Variants in SCN7A observed in about 807,000 individuals in gnomAD.
SCN7A encodes sodium channel protein type 7 subunit alpha.
SCN7A carries 138 observed loss-of-function variants against 155.2 expected under a neutral mutation model. That is an observed-to-expected ratio of 0.89 (90% CI 0.77 to 1.02). The LOEUF is 1.02. SCN7A is among the 50% of genes least tolerant of loss of function. The probability of loss-of-function intolerance (pLI) is 0.00; values close to 1 mark genes in which losing one functional copy is unlikely to be tolerated. For synonymous variants in SCN7A, 693 were observed against 649.0 expected, an observed-to-expected ratio of 1.07 and a Z score of -1.03; for missense variants, 2,058 against 1,986.6, an observed-to-expected ratio of 1.04 and a Z score of -0.68.
At chr2:166,426,788 C>T (rs905063075) in intron 18 of SCN7A, among the ~76,000 whole-genome samples, 3 of 152,000 alleles carry the variant, frequency 2.0e-5, no homozygotes, top group East Asian at 1.9e-4. Context: ...AAGTCACAAA[C>T]GTGCATTCAC....
At chr2:166,483,674 T>G (rs1702981313) in intron 2 of SCN7A, among the ~76,000 whole-genome samples, 1 of 151,856 alleles carries the variant, frequency 6.6e-6, no homozygotes, top group Non-Finnish European at 1.5e-5. Context: ...AAATCTTAGT[T>G]TAATGAAGGA....
chr2:166,406,807 G>C (rs567463115), intron 25 of SCN7A, among the ~76,000 whole-genome samples, 161 bp from the exon 26 acceptor site: 1 of 151,782 alleles, frequency 6.6e-6, no homozygotes, highest in Non-Finnish European at 1.5e-5. Flanking sequence ...TTAGCATGTT[G>C]AAAGTTTGGG....
chr2:166,407,638 A>T (rs1281957695), intron 25 of SCN7A, among the ~76,000 whole-genome samples: 3 of 151,940 alleles, frequency 2.0e-5, no homozygotes, highest in Non-Finnish European at 2.9e-5. Flanking sequence ...CTTTTTCATT[A>T]TGCAGGAAGT....
chr2:166,436,176 T>C (rs1320970067), intron 15 of SCN7A, among the ~76,000 whole-genome samples: 1 of 152,162 alleles, frequency 6.6e-6, no homozygotes, highest in Non-Finnish European at 1.5e-5. Flanking sequence ...TGGTTTGTCT[T>C]TGCTCCCATC....
rs537864502 is a variant in SCN7A at position 166,460,247 on chromosome 2, C to T, written c.1083+2142G>A. ...AGGGAAAGAACTGTCTTGAAACAAA[C>T]GCTAACAAGAAAATTAATTCATACA... On this transcript the variant is annotated intron_variant, in intron 10 of 25. Coordinates refer to ENST00000643258, the MANE Select transcript of SCN7A (RefSeq NM_002976.4). 8.5e-5 allele frequency among the ~76,000 whole-genome samples: 13 copies of T among 152,184 alleles called. No homozygotes were observed. In the South Asian group the frequency reaches 1.2e-3, roughly 15 times the overall value.
chr2:166,459,853 A>G (rs963135665), intron 10 of SCN7A, among the ~76,000 whole-genome samples: 11 of 151,952 alleles, frequency 7.2e-5, no homozygotes, highest in Non-Finnish European at 1.5e-4. Flanking sequence ...GGAAACCATC[A>G]TTCTCAGCAA....
chr2:166,422,574 T>C (rs1483290979), intron 19 of SCN7A, among the ~76,000 whole-genome samples: 4 of 152,082 alleles, frequency 2.6e-5, no homozygotes, highest in African/African-American at 7.2e-5. Context: ...CTTGGCATAT[T>C]TGAAGTGCTC....
intron 2 of SCN7A, among the ~76,000 whole-genome samples, chr2:166,479,340 T>C (rs1657636166): frequency 6.6e-6 from 1 of 152,156 alleles, no homozygotes; most frequent in Admixed American, 6.5e-5. Context: ...CTTCAACTGC[T>C]AGCATAAGTA....
At position 166,423,292 on chromosome 2, in the gene SCN7A, A is replaced by G; in HGVS notation, c.2994T>C (p.Asn998=). 1 of 1,610,228 alleles carries G rather than the reference A, an allele frequency of 6.2e-7. No homozygotes were observed. The highest frequency in any genetic ancestry group is 1.3e-5 in the African/African-American group (1 of 74,738). ...CCACGAAGTCCAGCCTGTACCAGCC[A>G]TTAGAGAAATAGGCCTTAAAACCAT... ...MAYGFKAYFS[N]GWYRLDFVVV... is the part of the protein sequence containing the mutation. Residue 998 remains asparagine, a synonymous_variant, in exon 19 of 26, where the codon AAT becomes AAC. Coordinates refer to ENST00000643258, the MANE Select transcript of SCN7A (RefSeq NM_002976.4).
chr2:166,441,887 T>A, intron 14 of SCN7A, 135 bp from the exon 15 acceptor site: 1 of 641,824 alleles, frequency 1.6e-6, no homozygotes, highest in Non-Finnish European at 2.7e-6. Flanking sequence ...CTACTGAACA[T>A]TCATTTTGTG....
Position 166,443,693 on chromosome 2 carries a change from T to C in SCN7A, c.1627-17A>G, listed in dbSNP as rs939843322. 3.9e-5 allele frequency: 59 copies of C among 1,510,530 alleles called. 1 individual carries two copies. Among genetic ancestry groups the C allele is most frequent in the Non-Finnish European group, 5.1e-5 (57 of 1,121,306 alleles). The allele number at this position is 1,510,530 out of a possible 1,614,324, so 93.6% of individuals were successfully genotyped here. A position where few individuals can be genotyped will look rare whatever the true frequency, so the allele number is the denominator to read the frequency against. Reference sequence around the variant, plus strand: ...AATGAAAACCTAAATCAAAACCAAATACATAGGTGAGAATATGATTCCAAT... The same window carrying C: ...AATGAAAACCTAAATCAAAACCAAACACATAGGTGAGAATATGATTCCAAT... On this transcript the variant is annotated splice_polypyrimidine_tract_variant and intron_variant, in intron 13 of 25. Transcript: ENST00000643258.
At position 166,432,678 on chromosome 2, in the gene SCN7A, T is replaced by C; in HGVS notation, c.2232A>G (p.Glu744=). The C allele has an allele frequency of 6.2e-7, 1 of 1,604,378 alleles. No homozygotes were observed. Among genetic ancestry groups the C allele is most frequent in the Non-Finnish European group, 8.5e-7 (1 of 1,176,854 alleles). The change falls in exon 16 of 26, where the codon GAA becomes GAG. Residue 744 remains glutamate, a synonymous_variant. Transcript: ENST00000643258. ...CCACTGCAAGCTGGAGATTTTTTGC[T>C]TCATTATTCTCTTCAGCTGTTACAT... ...CKDVTAEENN[E]AKNLQLAVAR... is the part of the protein sequence containing the mutation.
At position 166,405,962 on chromosome 2, in the gene SCN7A, T is replaced by G; in HGVS notation, c.4667A>C (p.Lys1556Thr). ...GAGGTCCAAAGCAATGAGCTGGCCC[T>G]TGTTTGGTTTTGCCATGAAAAGAGG... ...DPPLFMAKPN[K>T]GQLIALDLPM... Residue 1556 changes from lysine to threonine, a missense_variant, in exon 26 of 26, where the codon AAG (lysine) becomes ACG (threonine). Lys to Thr is a moderately conservative substitution (Grantham distance 78). Coordinates refer to ENST00000643258, the MANE Select transcript of SCN7A (RefSeq NM_002976.4). The G allele has an allele frequency of 6.2e-7, 1 of 1,612,954 alleles. No homozygotes were observed. The highest frequency in any genetic ancestry group is 8.5e-7 in the Non-Finnish European group (1 of 1,179,350).
At chr2:166,479,832 C>T (rs973921368) in intron 2 of SCN7A, among the ~76,000 whole-genome samples, 6 of 152,066 alleles carry the variant, frequency 3.9e-5, no homozygotes, top group African/African-American at 1.2e-4. Flanking sequence ...CCAAGTCCCT[C>T]AAGAAATGTT....
In SCN7A at chr2:166,405,666, C is replaced by A; in HGVS notation, c.4963G>T (p.Asp1655Tyr). The change falls in exon 26 of 26, where the codon GAT becomes TAT. Residue 1655 changes from aspartate to tyrosine, a missense_variant. By Grantham distance (160) the Asp-to-Tyr change is radical (BLOSUM62 -3). Coordinates refer to ENST00000643258, the MANE Select transcript of SCN7A (RefSeq NM_002976.4). Reference sequence around the variant, plus strand: ...GTAGCATGAACATCTCTGTCACCATCTATCATATGAATATCTGATGTATTT... The same window carrying A: ...GTAGCATGAACATCTCTGTCACCATATATCATATGAATATCTGATGTATTT... The part of the protein sequence containing the change: ...DKNTSDIHMI[D>Y]GDRDVHATKE... 1.2e-6 allele frequency: 2 copies of A among 1,612,828 alleles called. No homozygotes were observed. Among genetic ancestry groups the A allele is most frequent in the Non-Finnish European group, 1.7e-6 (2 of 1,179,204 alleles).
chr2:166,447,711 GA>G lies in SCN7A; in HGVS notation c.1291-4del. The stretch of plus-strand genomic sequence containing the variant: ...ATTTCTATTTGTATGGTCTTGGCCT[GA>G]AAAGGAATTTGATGGTTTAATACTG... On this transcript the variant is annotated splice_region_variant and splice_polypyrimidine_tract_variant and intron_variant, in intron 11 of 25. Transcript: ENST00000643258. 6.2e-7 allele frequency: 1 copy of G among 1,607,388 alleles called. No individual in the cohort carries two copies. The highest frequency in any genetic ancestry group is 8.5e-7 in the Non-Finnish European group (1 of 1,174,702).
chr2:166,457,623 A>T (rs1480840402), intron 10 of SCN7A, among the ~76,000 whole-genome samples: 1 of 152,184 alleles, frequency 6.6e-6, no homozygotes, highest in Non-Finnish European at 1.5e-5. Flanking sequence ...CCTTTAGACA[A>T]GCTACATGGG....
chr2:166,480,530 T>G (rs1702901986), intron 2 of SCN7A, among the ~76,000 whole-genome samples: 1 of 151,838 alleles, frequency 6.6e-6, no homozygotes, highest in Non-Finnish European at 1.5e-5. Flanking sequence ...CAGAGATCCT[T>G]GAATATATAT....
At position 166,423,137 on chromosome 2, in the gene SCN7A, T is replaced by C. The variant is rs556558792; in HGVS notation, c.3027+122A>G. Reference sequence around the variant, plus strand: ...ATATTACAAACTAAGAAAGGTGTCATGTACCAACAATGTAGAGAGAGAGGG... The same window carrying C: ...ATATTACAAACTAAGAAAGGTGTCACGTACCAACAATGTAGAGAGAGAGGG... On this transcript the variant is annotated intron_variant, in intron 19 of 25. Transcript: ENST00000643258. The C allele has an allele frequency of 4.6e-4, 428 of 925,208 alleles. 1 individual carries two copies. The African/African-American group carries it at 6.3e-3, about 14-fold the overall frequency. 57.3% of individuals were successfully genotyped at this position (925,208 alleles called of 1,614,324 possible). A position where few individuals can be genotyped will look rare whatever the true frequency, so the allele number is the denominator to read the frequency against.
Sources: allele counts gnomAD v4.1 joint callset (sites outside exome capture counted in the v4.1 genomes callset), GRCh38; gene constraint gnomAD v4.1.1; transcripts MANE v1.5; gene names NCBI Gene and HGNC (gene_info 2026-07-23, HGNC 2026-07-21).